Variants in FAM83A observed in about 807,000 individuals in gnomAD.
FAM83A encodes the protein scaffolding CK1 anchoring protein A.
A neutral mutation model predicts 24.4 loss-of-function variants in FAM83A; 21 were observed. The ratio of observed to expected loss-of-function variants is 0.86; its 90% CI spans 0.61 to 1.24. The LOEUF (loss-of-function observed/expected upper bound fraction) is 1.24, where lower values mean the gene tolerates loss of function less well. Ranked by LOEUF, FAM83A falls within the 50% of genes most tolerant of loss-of-function variation. The pLI is 0.00. For missense variants in FAM83A, 617 were observed against 579.8 expected, an observed-to-expected ratio of 1.06 and a Z score of -0.66; for synonymous variants, 270 against 252.4, an observed-to-expected ratio of 1.07 and a Z score of -0.66.
chr8:123,208,307 A>G (rs1328800322), exon 4 of FAM83A: 2 of 985,534 alleles, frequency 2.0e-6, no homozygotes, highest in Non-Finnish European at 2.4e-6. Flanking sequence ...AGCCATCTGA[A>G]GCTGTAGCCA....
exon 2 of FAM83A, chr8:123,191,949 G>T: frequency 6.2e-7 from 1 of 1,614,166 alleles, no homozygotes; most frequent in Non-Finnish European, 8.5e-7. Context: ...ACAAAGTCCA[G>T]ATCTCTGACA....
upstream of FAM83A, chr8:123,181,950 G>T (rs2131050668): frequency 2.2e-6 from 1 of 446,178 alleles, no homozygotes; most frequent in South Asian, 1.6e-5. Context: ...ATCACGATCT[G>T]ATCTGGAAAG....
At chr8:123,181,444 C>A (rs1445478734), upstream of FAM83A, among the ~76,000 whole-genome samples, 1 of 152,124 alleles carries the variant, frequency 6.6e-6, no homozygotes, top group Non-Finnish European at 1.5e-5. Flanking sequence ...GAGCAGATAG[C>A]GTCAGGGCCT....
chr8:123,186,691 G>A (rs558494992), intron 1 of FAM83A, among the ~76,000 whole-genome samples: 1 of 152,306 alleles, frequency 6.6e-6, no homozygotes, highest in Admixed American at 6.5e-5. Flanking sequence ...TTAGCTCGGT[G>A]TGGTGGCAGA....
chr8:123,207,372 C>T (rs763235881), exon 4 of FAM83A: 3 of 1,611,572 alleles, frequency 1.9e-6, no homozygotes, highest in African/African-American at 1.3e-5. Context: ...AGTGACCGCA[C>T]GTCCTCCAAC....
chr8:123,200,437 T>TG (rs1824310786), intron 3 of FAM83A, among the ~76,000 whole-genome samples: 3 of 152,196 alleles, frequency 2.0e-5, no homozygotes. Flanking sequence ...ATCACGCAGC[T>TG]GGGGGGCCCT....
intron 1 of FAM83A, among the ~76,000 whole-genome samples, chr8:123,191,219 G>C (rs1439500225): frequency 6.6e-6 from 1 of 152,162 alleles, no homozygotes; most frequent in Non-Finnish European, 1.5e-5. Context: ...TGAAGGTCTA[G>C]AACTCCCCTC....
chr8:123,191,721 C>T lies in FAM83A; in HGVS notation c.481-82C>T, dbSNP rs550343278. 3.8e-5 allele frequency: 57 copies of T among 1,488,274 alleles called. No homozygotes were observed. The East Asian group carries it at 9.3e-4, about 24-fold the overall frequency. 92.2% of individuals were successfully genotyped at this position (1,488,274 alleles called of 1,614,324 possible). A position where few individuals can be genotyped will look rare whatever the true frequency, so the allele number is the denominator to read the frequency against. On this transcript the variant is annotated intron_variant, in intron 1 of 3. Transcript: ENST00000690554. ...AATGGGAACAGCTCTCCCAGGCCCA[C>T]TGGGACTCAGGCAGTTTGGGTGAAA...
At chr8:123,199,964 A>T (rs1824293808) in intron 3 of FAM83A, 1 of 154,162 alleles carries the variant, frequency 6.5e-6, no homozygotes, top group Non-Finnish European at 1.5e-5. Context: ...CCAGCAGAGA[A>T]GTCTGAAACC....
chr8:123,192,419 G>T (rs1824011889), intron 2 of FAM83A, among the ~76,000 whole-genome samples: 1 of 152,130 alleles, frequency 6.6e-6, no homozygotes, highest in African/African-American at 2.4e-5. Context: ...GGGTCTGTGG[G>T]TGCATGTTCA....
At chr8:123,191,163 A>G (rs1388746780) in intron 1 of FAM83A, among the ~76,000 whole-genome samples, 2 of 152,174 alleles carry the variant, frequency 1.3e-5, no homozygotes, top group Non-Finnish European at 2.9e-5. Context: ...AGAAGAAGGG[A>G]GAATGAATGC....
At chr8:123,182,687 C>G in exon 1 of FAM83A, 1 of 986,782 alleles carries the variant, frequency 1.0e-6, no homozygotes, top group Non-Finnish European at 1.6e-6. Context: ...AAGCATTGCT[C>G]AGGACAGCGG....
At chr8:123,201,275 C>T (rs1392458613) in intron 3 of FAM83A, 1 of 152,234 alleles carries the variant, frequency 6.6e-6, no homozygotes, top group East Asian at 1.9e-4. Context: ...AGAGGGGAGG[C>T]AACTGATCCA....
upstream of FAM83A, chr8:123,182,383 T>G (rs1354108420): frequency 5.6e-6 from 2 of 357,576 alleles, no homozygotes; most frequent in Non-Finnish European, 1.1e-5. Context: ...AGCATGGGAA[T>G]CGAGGCACCC....
chr8:123,202,790 C>T (rs530151258), intron 3 of FAM83A: 1 of 152,406 alleles, frequency 6.6e-6, no homozygotes, highest in Non-Finnish European at 1.5e-5. Flanking sequence ...AATAATCAGA[C>T]CACGCTGAGG....
At chr8:123,195,667 T>G (rs1448335603) in intron 3 of FAM83A, among the ~76,000 whole-genome samples, 1 of 152,130 alleles carries the variant, frequency 6.6e-6, no homozygotes, top group Non-Finnish European at 1.5e-5. Context: ...ATTCAGTGCC[T>G]GGGGAAGGCC....
intron 1 of FAM83A, among the ~76,000 whole-genome samples, chr8:123,184,591 C>T (rs1032335546): frequency 6.6e-6 from 1 of 152,136 alleles, no homozygotes; most frequent in African/African-American, 2.4e-5. Context: ...GCCCCGAGAT[C>T]TCCACCCTCA....
intron 3 of FAM83A, among the ~76,000 whole-genome samples, chr8:123,194,536 T>G (rs1159000356): frequency 6.7e-6 from 1 of 149,258 alleles, no homozygotes; most frequent in African/African-American, 2.5e-5. Flanking sequence ...CAGGCTGGAG[T>G]GCAGTGGTGC....
At chr8:123,188,409 T>C (rs777460069) in intron 1 of FAM83A, among the ~76,000 whole-genome samples, 1 of 152,164 alleles carries the variant, frequency 6.6e-6, no homozygotes, top group African/African-American at 2.4e-5. Flanking sequence ...AATTCTGGTG[T>C]TTAGGGTTGG....
Sources: gnomAD v4.1 joint callset for allele counts (sites outside exome capture counted in the v4.1 genomes callset) on GRCh38, gnomAD v4.1.1 for gene constraint, MANE v1.5 for transcripts, NCBI Gene and HGNC (gene_info 2026-07-23, HGNC 2026-07-21) for gene names.